The following CDC6 variants were observed in gnomAD, a reference collection of about 807,000 sequenced individuals.
The protein encoded by CDC6 is DNA replication factor CDC6.
A neutral mutation model predicts 60.2 loss-of-function variants in CDC6; 46 were observed. The ratio of observed to expected loss-of-function variants is 0.76; its 90% CI spans 0.60 to 0.98. The LOEUF (loss-of-function observed/expected upper bound fraction) is 0.98, where lower values mean the gene tolerates loss of function less well. CDC6 is among the 50% of genes least tolerant of loss of function. The pLI, the probability that CDC6 is intolerant of heterozygous loss-of-function variation, is 0.00. For missense variants in CDC6, 596 were observed against 652.9 expected (o/e 0.91, Z 0.95); for synonymous variants, 210 against 233.2 (o/e 0.90, Z 0.90).
chr17:40,298,244 C>T (rs919134197), intron 9 of CDC6, among the ~76,000 whole-genome samples: 22 of 152,068 alleles, frequency 1.4e-4, no homozygotes, highest in Non-Finnish European at 8.8e-5. Context: ...TTCAGATTAT[C>T]CCCTTTTCCT....
chr17:40,294,870 A>G (rs754878796), intron 7 of CDC6, among the ~76,000 whole-genome samples: 7 of 151,840 alleles, frequency 4.6e-5, no homozygotes, highest in Admixed American at 2.0e-4. Context: ...GACTACAGGC[A>G]CCTGCCACCA....
chr17:40,290,517 A>G (rs2032738762), intron 2 of CDC6, among the ~76,000 whole-genome samples: 1 of 152,114 alleles, frequency 6.6e-6, no homozygotes, highest in Non-Finnish European at 1.5e-5. Flanking sequence ...TAGCCTTACA[A>G]TTTCATCCTA....
intron 2 of CDC6, among the ~76,000 whole-genome samples, chr17:40,289,853 C>T (rs1279963485): frequency 5.3e-5 from 8 of 150,472 alleles, no homozygotes; most frequent in East Asian, 1.9e-4. Flanking sequence ...GGATTACAGG[C>T]GCCCACCACC....
At chr17:40,289,364 C>G (rs1385415720) in intron 1 of CDC6, 44 bp from the exon 2 acceptor site, 1 of 1,439,218 alleles carries the variant, frequency 6.9e-7, no homozygotes, top group Admixed American at 1.7e-5. Context: ...TTTCTCTTCA[C>G]TTTCACATAT....
intron 8 of CDC6, among the ~76,000 whole-genome samples, chr17:40,295,793 G>C (rs1295495521): frequency 2.0e-5 from 3 of 152,178 alleles, no homozygotes; most frequent in African/African-American, 7.2e-5. Context: ...TTATGGACCT[G>C]AACCGTCTTT....
At chr17:40,297,832 C>A (rs1171003212) in intron 9 of CDC6, among the ~76,000 whole-genome samples, 1 of 152,118 alleles carries the variant, frequency 6.6e-6, no homozygotes, top group Non-Finnish European at 1.5e-5. Context: ...TTAAACAAGT[C>A]TAGAGGGTAG....
intron 4 of CDC6, among the ~76,000 whole-genome samples, chr17:40,292,590 G>A (rs753350696): frequency 2.7e-5 from 4 of 150,878 alleles, no homozygotes; most frequent in Admixed American, 6.6e-5. Context: ...AGCTGAGATC[G>A]CGCTACTGTA....
At position 40,303,551 on chromosome 17, in the gene CDC6, C is replaced by T. The variant is rs985622306; in HGVS notation, c.*1550C>T. On this transcript the variant is annotated 3_prime_UTR_variant, in exon 12 of 12. Transcript: ENST00000209728. ...AGAGGCAAGGAAAGCAGAGAGAGCC[C>T]TCTGAAATGAACACTACCCACTGGT... 6.6e-6 allele frequency: 1 copy of T among 152,222 alleles called. No individual in the cohort carries two copies. 9.4% of individuals were successfully genotyped at this position (152,222 alleles called of 1,614,324 possible).
At chr17:40,290,501 T>G (rs2032738355) in intron 2 of CDC6, among the ~76,000 whole-genome samples, 2 of 152,164 alleles carry the variant, frequency 1.3e-5, no homozygotes, top group African/African-American at 4.8e-5. Flanking sequence ...AAAACCTGTT[T>G]CAAAATAGCC....
intron 4 of CDC6, 44 bp downstream of exon 4, chr17:40,291,712 C>G (rs2032765283): frequency 6.5e-7 from 1 of 1,538,342 alleles, no homozygotes; most frequent in Non-Finnish European, 9.0e-7. Flanking sequence ...TAAAATGATA[C>G]TTGGGTGTTT....
At chr17:40,289,320 AATC>A in intron 1 of CDC6, 85 bp from the exon 2 acceptor site, 1 of 1,018,190 alleles carries the variant, frequency 9.8e-7, no homozygotes, top group Non-Finnish European at 1.5e-6. Flanking sequence ...AATAAGTGTT[AATC>A]ATCAGTATAA....
At position 40,301,073 on chromosome 17, in the gene CDC6, A is replaced by G. The variant is rs1268425561; in HGVS notation, c.1452+43A>G. ...AGATGGAACGGAGGTAGAGATCAGA[A>G]TCTGCTTTGCAGAGCAGGTATTTTC... On this transcript the variant is annotated intron_variant, in intron 10 of 11. Transcript: ENST00000209728. 2.2e-6 allele frequency: 3 copies of G among 1,382,018 alleles called. No homozygotes were observed. In the South Asian group the frequency reaches 3.5e-5, roughly 16 times the overall value. The allele number at this position is 1,382,018 out of a possible 1,614,324, so 85.6% of individuals were successfully genotyped here.
intron 8 of CDC6, among the ~76,000 whole-genome samples, chr17:40,296,097 A>G (rs576821169): frequency 2.2e-4 from 34 of 152,294 alleles, no homozygotes; most frequent in African/African-American, 6.5e-4. Flanking sequence ...TGGAGAGAGC[A>G]GTGGGAGAGT....
At chr17:40,289,879 T>A (rs1261701589) in intron 2 of CDC6, among the ~76,000 whole-genome samples, 2 of 149,896 alleles carry the variant, frequency 1.3e-5, no homozygotes, top group Admixed American at 1.3e-4. Flanking sequence ...TGGCTAATTT[T>A]TTTTTTTTTT....
intron 9 of CDC6, 63 bp from the exon 10 acceptor site, chr17:40,300,765 A>C: frequency 8.1e-7 from 1 of 1,240,980 alleles, no homozygotes; most frequent in South Asian, 1.2e-5. Flanking sequence ...CATCTGTCTC[A>C]TCATACATAC....
At chr17:40,289,139 G>A (rs998453954) in intron 1 of CDC6, 26 of 390,648 alleles carry the variant, frequency 6.7e-5, no homozygotes, top group South Asian at 2.4e-4. Flanking sequence ...TAAAATAAAG[G>A]CTAATAATAG....
At chr17:40,291,424 A>G in intron 3 of CDC6, 45 bp from the exon 4 acceptor site, 1 of 1,612,590 alleles carries the variant, frequency 6.2e-7, no homozygotes, top group Non-Finnish European at 8.5e-7. Flanking sequence ...GGGTCTTCTC[A>G]TTCACCTTCT....
chr17:40,292,828 G>A (rs2032786203), intron 4 of CDC6, among the ~76,000 whole-genome samples: 1 of 152,070 alleles, frequency 6.6e-6, no homozygotes, highest in Admixed American at 6.6e-5. Context: ...CTACTCGGGA[G>A]GCTGAGGCAG....
intron 2 of CDC6, among the ~76,000 whole-genome samples, chr17:40,290,821 T>G (rs1439824533): frequency 6.6e-6 from 1 of 152,144 alleles, no homozygotes; most frequent in Non-Finnish European, 1.5e-5. Context: ...TTTCTGGAAT[T>G]TTCCATTTAG....
Sources: gnomAD v4.1 joint callset for allele counts (sites outside exome capture counted in the v4.1 genomes callset) on GRCh38, gnomAD v4.1.1 for gene constraint, MANE v1.5 for transcripts, NCBI Gene and HGNC (gene_info 2026-07-23, HGNC 2026-07-21) for gene names.